The following CCBE1 variants were observed in gnomAD, a reference collection of about 807,000 sequenced individuals.
The protein encoded by CCBE1 is collagen and calcium-binding EGF domain-containing protein 1.
CCBE1 carries 37 observed loss-of-function variants against 50.0 expected under a neutral mutation model. The observed-to-expected ratio is 0.74, with a 90% CI of 0.57 to 0.97. The LOEUF is 0.97. Among genes scored for constraint, CCBE1 ranks in the 50% least tolerant of loss-of-function variants. CCBE1 has a pLI of 0.00. For missense variants in CCBE1, 538 were observed against 523.8 expected, an observed-to-expected ratio of 1.03 and a Z score of -0.26; for synonymous variants, 234 against 203.7, an observed-to-expected ratio of 1.15 and a Z score of -1.27.
At chr18:59,606,269 G>A (rs532616410) in intron 2 of CCBE1, among the ~76,000 whole-genome samples, 1 of 152,276 alleles carries the variant, frequency 6.6e-6, no homozygotes, top group Admixed American at 6.5e-5. Flanking sequence ...TCCTTAGGAT[G>A]GAATTCCTCA....
chr18:59,619,969 G>A (rs191421141), intron 2 of CCBE1, among the ~76,000 whole-genome samples: 1 of 152,276 alleles, frequency 6.6e-6, no homozygotes, highest in Non-Finnish European at 1.5e-5. Context: ...CAGAAAGCTG[G>A]ACAAGAGAGG....
At chr18:59,594,407 G>C (rs933979197) in intron 2 of CCBE1, among the ~76,000 whole-genome samples, 18 of 152,330 alleles carry the variant, frequency 1.2e-4, no homozygotes, top group African/African-American at 4.3e-4. Context: ...AAAGGAATAG[G>C]AAGTTGTTAT....
At chr18:59,470,029 G>A (rs1212047267) in intron 3 of CCBE1, among the ~76,000 whole-genome samples, 1 of 152,186 alleles carries the variant, frequency 6.6e-6, no homozygotes, top group African/African-American at 2.4e-5. Context: ...TCATCATGTG[G>A]GAGGAAGGGC....
intron 2 of CCBE1, among the ~76,000 whole-genome samples, chr18:59,599,472 C>A (rs1368172847): frequency 1.3e-5 from 2 of 152,180 alleles, no homozygotes; most frequent in East Asian, 3.8e-4. Context: ...AACAGCAACT[C>A]TTCTGTTGCA....
At chr18:59,491,531 T>TAA (rs1913094138) in intron 2 of CCBE1, among the ~76,000 whole-genome samples, 1 of 152,174 alleles carries the variant, frequency 6.6e-6, no homozygotes, top group Admixed American at 6.5e-5. Context: ...AAAATAAAAA[T>TAA]GGCCAGCCGT....
intron 2 of CCBE1, among the ~76,000 whole-genome samples, chr18:59,687,730 G>A (rs2054675361): frequency 6.6e-6 from 1 of 152,232 alleles, no homozygotes; most frequent in African/African-American, 2.4e-5. Context: ...TTGGGAGGCC[G>A]AGATGGGTGG....
At chr18:59,488,374 G>A (rs966560279) in intron 2 of CCBE1, among the ~76,000 whole-genome samples, 15 of 152,138 alleles carry the variant, frequency 9.9e-5, no homozygotes, top group Admixed American at 3.3e-4. Context: ...ACACATACAC[G>A]CAACAATTAA....
At chr18:59,465,262 A>G (rs7235708) in intron 5 of CCBE1, among the ~76,000 whole-genome samples, 146,571 of 152,306 alleles carry the variant, frequency 0.96, 70,753 homozygotes, top group East Asian at 1. Context: ...ACACATGCAT[A>G]TGGTGGTATT....
intron 2 of CCBE1, among the ~76,000 whole-genome samples, chr18:59,533,691 C>A (rs946409795): frequency 6.6e-6 from 1 of 152,148 alleles, no homozygotes; most frequent in Non-Finnish European, 1.5e-5. Context: ...TAAAAACAGA[C>A]CTTCATGAGC....
rs551326563 is a variant in CCBE1, at chr18:59,529,111, G to A, written c.213-48873C>T. Reference sequence around the variant, plus strand: ...CCACAAAGACCACGGCTGTTCCTTCGCCCAGGGGCATCGTCCCAGGGAGAT... The same window carrying A: ...CCACAAAGACCACGGCTGTTCCTTCACCCAGGGGCATCGTCCCAGGGAGAT... On this transcript the variant is annotated intron_variant, in intron 2 of 10. Coordinates refer to ENST00000439986, the MANE Select transcript of CCBE1 (RefSeq NM_133459.4). 5.9e-5 allele frequency among the ~76,000 whole-genome samples: 9 copies of A among 152,354 alleles called. No homozygotes were observed. In the South Asian group the frequency reaches 1.5e-3, roughly 25 times the overall value.
rs80120617 is a variant in CCBE1, at chr18:59,511,897, G to A, written c.213-31659C>T. ...AAATGGAACAGACTCGGAATCCATC[G>A]AGAGACAGAACAGGCATTTCATGAG... On this transcript the variant is annotated intron_variant, in intron 2 of 10. Transcript: ENST00000439986. Among the ~76,000 whole-genome samples, 510 of 152,280 alleles carry A rather than the reference G, an allele frequency of 3.3e-3. 1 individual carries two copies. Among genetic ancestry groups the A allele is most frequent in the African/African-American group, 0.012 (483 of 41,550 alleles).
At chr18:59,534,660 G>A (rs954111465) in intron 2 of CCBE1, among the ~76,000 whole-genome samples, 5 of 152,230 alleles carry the variant, frequency 3.3e-5, no homozygotes, top group African/African-American at 1.2e-4. Context: ...AACTCTGGAG[G>A]TGGGGCCAGC....
At chr18:59,562,209 G>A (rs199885349) in intron 2 of CCBE1, among the ~76,000 whole-genome samples, 1 of 152,136 alleles carries the variant, frequency 6.6e-6, no homozygotes, top group East Asian at 1.9e-4. Context: ...ATGCATGTGT[G>A]TATATACATA....
chr18:59,567,068 C>A (rs1256127758), intron 2 of CCBE1, among the ~76,000 whole-genome samples: 1 of 152,188 alleles, frequency 6.6e-6, no homozygotes, highest in East Asian at 1.9e-4. Flanking sequence ...GGTCTCCTCT[C>A]ATCATGATGT....
chr18:59,438,308 T>A (rs1910255240), intron 9 of CCBE1, among the ~76,000 whole-genome samples, 162 bp from the exon 10 acceptor site: 1 of 152,258 alleles, frequency 6.6e-6, no homozygotes, highest in Admixed American at 6.5e-5. Flanking sequence ...ACCACTTATT[T>A]GAACAGGACT....
intron 7 of CCBE1, among the ~76,000 whole-genome samples, chr18:59,440,850 T>C (rs1054595063): frequency 2.0e-5 from 3 of 151,892 alleles, no homozygotes; most frequent in African/African-American, 7.3e-5. Context: ...TAGCATGGAG[T>C]AAGTAATAGC....
chr18:59,686,324 C>T (rs922831067), intron 2 of CCBE1, among the ~76,000 whole-genome samples: 1 of 152,196 alleles, frequency 6.6e-6, no homozygotes, highest in Non-Finnish European at 1.5e-5. Context: ...CCTTTAAGTG[C>T]CTCTTTTCAA....
At position 59,591,119 on chromosome 18, in the gene CCBE1, G is replaced by A. The variant is rs1441087189; in HGVS notation, c.212+105510C>T. On this transcript the variant is annotated intron_variant, in intron 2 of 10. Coordinates refer to ENST00000439986, the MANE Select transcript of CCBE1 (RefSeq NM_133459.4). The stretch of plus-strand genomic sequence containing the variant: ...AAATTAGCCGGGCGTGATGGTGGGC[G>A]CCTGTAGTCCCAGCTACTCGGGAGG... Among the ~76,000 whole-genome samples the A allele has an allele frequency of 4.5e-5, 4 of 88,086 alleles. 1 individual carries two copies. Among genetic ancestry groups the A allele is most frequent in the African/African-American group, 7.3e-5 (1 of 13,664 alleles). The allele number at this position is 88,086 out of a possible 152,430, so 57.8% of individuals were successfully genotyped here. A position where few individuals can be genotyped will look rare whatever the true frequency, so the allele number is the denominator to read the frequency against.
chr18:59,472,769 G>T (rs602355), intron 3 of CCBE1, among the ~76,000 whole-genome samples: 74,989 of 152,048 alleles, frequency 0.49, 19,160 homozygotes, highest in East Asian at 0.77. Context: ...TGCTAATAAA[G>T]ACATAGCTGA....
Sources: allele counts gnomAD v4.1 joint callset (sites outside exome capture counted in the v4.1 genomes callset), GRCh38; gene constraint gnomAD v4.1.1; transcripts MANE v1.5; gene names NCBI Gene and HGNC (gene_info 2026-07-23, HGNC 2026-07-21).